Variants in DERL2 observed in about 807,000 individuals in gnomAD.
DERL2 encodes the protein derlin-2.
A neutral mutation model predicts 32.0 loss-of-function variants in DERL2; 13 were observed. That is an observed-to-expected ratio of 0.41 (90% confidence interval 0.26 to 0.65). The LOEUF (loss-of-function observed/expected upper bound fraction) is 0.65, where lower values mean the gene tolerates loss of function less well. DERL2 is among the 30% of genes least tolerant of loss of function. The pLI is 0.35. For missense variants in DERL2, 208 were observed against 296.3 expected (o/e 0.70, Z 2.19); for synonymous variants, 111 against 104.7 (o/e 1.06, Z -0.37).
chr17:5,475,633 C>T (rs764957845), intron 6 of DERL2, among the ~76,000 whole-genome samples: 5 of 152,026 alleles, frequency 3.3e-5, no homozygotes, highest in Admixed American at 6.5e-5. Context: ...GTAATCCCAG[C>T]TACTACTCAG....
chr17:5,474,930 T>G lies in DERL2; in HGVS notation c.615-141A>C. On this transcript the variant is annotated intron_variant, in intron 6 of 6. Coordinates refer to ENST00000158771, the MANE Select transcript of DERL2 (RefSeq NM_016041.5). This position sits in a 1 kb window ranked among gnomAD's most constrained non-coding sequence, Gnocchi z 4.3. ...TGCCAATTAAACAGTTAACATATTG[T>G]AAGAGCATCTATAATTATTAACATT... The G allele has an allele frequency of 2.1e-6, 1 of 483,860 alleles. No homozygotes were observed. The highest frequency in any genetic ancestry group is 3.5e-5 in the South Asian group (1 of 28,308). 30.0% of individuals were successfully genotyped at this position (483,860 alleles called of 1,614,324 possible). A position where few individuals can be genotyped will look rare whatever the true frequency, so the allele number is the denominator to read the frequency against.
upstream of DERL2, chr17:5,486,278 C>G: frequency 3.7e-6 from 3 of 804,500 alleles, no homozygotes; most frequent in Non-Finnish European, 5.7e-6. Context: ...CCCGCGACTG[C>G]CCAATCAACG....
chr17:5,484,240 A>G (rs1050763119), intron 2 of DERL2, among the ~76,000 whole-genome samples: 1 of 152,280 alleles, frequency 6.6e-6, no homozygotes, highest in African/African-American at 2.4e-5. Flanking sequence ...AGAAAAATCC[A>G]TCTCTCTTTT....
chr17:5,486,196 C>T (rs747271421), upstream of DERL2: 4 of 1,212,854 alleles, frequency 3.3e-6, no homozygotes, highest in African/African-American at 4.9e-5. Context: ...CCCCCACCCA[C>T]CCCATTTCCC....
intron 4 of DERL2, chr17:5,480,808 C>G (rs1158415318): frequency 4.4e-6 from 2 of 457,640 alleles, no homozygotes. Context: ...AACAAATACT[C>G]TGCTTTCGTG....
At chr17:5,484,140 T>C (rs1905984473) in intron 2 of DERL2, among the ~76,000 whole-genome samples, 1 of 152,198 alleles carries the variant, frequency 6.6e-6, no homozygotes, top group South Asian at 2.1e-4. Flanking sequence ...TGAAACACAT[T>C]TGAGACAGAC....
At chr17:5,483,326 T>C (rs1193883579) in intron 2 of DERL2, among the ~76,000 whole-genome samples, 1 of 150,282 alleles carries the variant, frequency 6.7e-6, no homozygotes, top group African/African-American at 2.5e-5. Flanking sequence ...GAAAGGAAAA[T>C]TCTTTTTTTT....
At position 5,480,778 on chromosome 17, in the gene DERL2, C is replaced by A. The variant is rs201496202; in HGVS notation, c.328-196G>T. 3 of 470,062 alleles carry A rather than the reference C, an allele frequency of 6.4e-6. No individual in the cohort carries two copies. The East Asian group carries it at 1.0e-4, about 16-fold the overall frequency. 29.1% of individuals were successfully genotyped at this position (470,062 alleles called of 1,614,324 possible). On this transcript the variant is annotated intron_variant, in intron 4 of 6. Coordinates refer to ENST00000158771, the MANE Select transcript of DERL2 (RefSeq NM_016041.5). ...CAAAAATCTGCTTAGGCTAAATTATCGAGATTTACAGCTACTTCAAACAAA... is the reference window on the plus strand; with the variant it reads ...CAAAAATCTGCTTAGGCTAAATTATAGAGATTTACAGCTACTTCAAACAAA...
chr17:5,486,364 C>A (rs547137930), upstream of DERL2: 1,653 of 507,022 alleles, frequency 3.3e-3, 26 homozygotes, highest in African/African-American at 0.029. Flanking sequence ...CCGCCCCCCC[C>A]CAGCGCCCCA....
At chr17:5,486,323 G>C, upstream of DERL2, 3 of 467,264 alleles carry the variant, frequency 6.4e-6, no homozygotes, top group South Asian at 6.3e-5. Context: ...CCTAAGGAAC[G>C]CACATCCGCC....
intron 2 of DERL2, among the ~76,000 whole-genome samples, chr17:5,484,916 T>G (rs1906064648): frequency 6.6e-6 from 1 of 152,218 alleles, no homozygotes; most frequent in African/African-American, 2.4e-5. Context: ...TTCCTACCCT[T>G]GCAAATTCTG....
intron 6 of DERL2, among the ~76,000 whole-genome samples, chr17:5,476,429 A>C (rs1320186075): frequency 6.6e-6 from 1 of 152,226 alleles, no homozygotes; most frequent in African/African-American, 2.4e-5. Flanking sequence ...AAGGAAATCC[A>C]TGTGGTCAAT....
chr17:5,477,565 A>C (rs751696421), intron 6 of DERL2, among the ~76,000 whole-genome samples: 2 of 152,254 alleles, frequency 1.3e-5, no homozygotes, highest in Admixed American at 1.3e-4. Context: ...TGGCACATAC[A>C]TTTTGGATTG....
In DERL2 at chr17:5,473,174, C is replaced by T. The variant is rs537526714; in HGVS notation, c.*1510G>A. 3.3e-5 allele frequency: 5 copies of T among 152,316 alleles called. No homozygotes were observed. The South Asian group carries it at 1.0e-3, about 32-fold the overall frequency. The allele number at this position is 152,316 out of a possible 1,614,324, so 9.4% of individuals were successfully genotyped here. On this transcript the variant is annotated 3_prime_UTR_variant, in exon 7 of 7. Transcript: ENST00000158771. ...TACCCCTTAACAAAGGTTGAATGAA[C>T]TACTACTAACAATCCACTTTTGGGA...
At chr17:5,476,061 T>C (rs1478341564) in intron 6 of DERL2, among the ~76,000 whole-genome samples, 4 of 152,166 alleles carry the variant, frequency 2.6e-5, no homozygotes, top group African/African-American at 9.7e-5. Context: ...AATTTTATGT[T>C]AGGTATTATT....
At chr17:5,478,588 ATTCTAC>A (rs1291759708) in intron 6 of DERL2, among the ~76,000 whole-genome samples, 1 of 152,198 alleles carries the variant, frequency 6.6e-6, no homozygotes, top group African/African-American at 2.4e-5. Flanking sequence ...CAAAATAGGA[ATTCTAC>A]TTCTAGGAAT....
rs35088964 is a variant in DERL2, at chr17:5,473,654, CA to C, written c.*1029del. On this transcript the variant is annotated 3_prime_UTR_variant, in exon 7 of 7. Transcript: ENST00000158771. ...AAAAAACAAAACAAAACAAAAAAGG[CA>C]AAAAAAAAAAAAATGGCTGGGCATG... 169 of 130,428 alleles carry C rather than the reference CA, an allele frequency of 1.3e-3. No individual in the cohort carries two copies. Among genetic ancestry groups the C allele is most frequent in the Non-Finnish European group, 1.5e-3 (90 of 60,582 alleles). 8.1% of individuals were successfully genotyped at this position (130,428 alleles called of 1,614,324 possible).
intron 3 of DERL2, among the ~76,000 whole-genome samples, chr17:5,482,105 A>G (rs1024544859): frequency 2.0e-5 from 3 of 152,218 alleles, no homozygotes; most frequent in African/African-American, 7.2e-5. Flanking sequence ...TGGCAGGTTG[A>G]GCACCTCAGT....
intron 6 of DERL2, among the ~76,000 whole-genome samples, chr17:5,478,417 T>G (rs142248019): frequency 1.2e-4 from 18 of 152,330 alleles, no homozygotes; most frequent in African/African-American, 4.1e-4. Context: ...TCAAAACATT[T>G]TTTAAAAATC....
Sources: allele counts gnomAD v4.1 joint callset (sites outside exome capture counted in the v4.1 genomes callset), GRCh38; gene constraint gnomAD v4.1.1; non-coding constraint Gnocchi (gnomAD v3.1); transcripts MANE v1.5; gene names NCBI Gene and HGNC (gene_info 2026-07-23, HGNC 2026-07-21).